Variants in RSBN1L observed in about 807,000 individuals in gnomAD.
The protein encoded by RSBN1L is lysine-specific demethylase RSBN1L.
RSBN1L carries 30 observed loss-of-function variants against 67.7 expected under a neutral mutation model. The observed-to-expected ratio is 0.44, with a 90% CI of 0.33 to 0.60. The LOEUF (loss-of-function observed/expected upper bound fraction) is 0.60. RSBN1L is among the 20% of genes least tolerant of loss of function. RSBN1L has a pLI of 0.02. For missense variants in RSBN1L, 992 were observed against 1,031.7 expected (o/e 0.96, Z 0.53); for synonymous variants, 433 against 387.0 (o/e 1.12, Z -1.39).
chr7:77,721,430 A>G (rs1335439331), intron 1 of RSBN1L, among the ~76,000 whole-genome samples: 2 of 152,186 alleles, frequency 1.3e-5, no homozygotes, highest in African/African-American at 4.8e-5. Flanking sequence ...GGAGCTTAGA[A>G]ACCAGGAGGG....
At chr7:77,698,850 CAG>C (rs1790775463) in intron 1 of RSBN1L, among the ~76,000 whole-genome samples, 1 of 151,818 alleles carries the variant, frequency 6.6e-6, no homozygotes. Flanking sequence ...GAAAAACTAT[CAG>C]AGAAAAAGAT....
chr7:77,733,968 A>G (rs1791300894), intron 1 of RSBN1L, among the ~76,000 whole-genome samples: 1 of 152,180 alleles, frequency 6.6e-6, no homozygotes, highest in East Asian at 1.9e-4. Flanking sequence ...CTCCACTAAA[A>G]ATACAAAAAT....
intron 3 of RSBN1L, among the ~76,000 whole-genome samples, chr7:77,752,166 A>G (rs1477007800): frequency 6.6e-6 from 1 of 151,948 alleles, no homozygotes. Flanking sequence ...TTGATGAGCC[A>G]CCTCCTCTGG....
Position 77,773,204 on chromosome 7 carries a change from G to A in RSBN1L, c.1683G>A (p.Glu561=). 1.2e-6 allele frequency: 2 copies of A among 1,612,956 alleles called. No individual in the cohort carries two copies. The highest frequency in any genetic ancestry group is 4.5e-5 in the East Asian group (2 of 44,880). ...TACCTCGAACAAGTGAGCCCCGTGA[G>A]ATGCTCTTTGAAGACAGGACAAGAG... is the stretch of plus-strand genomic sequence containing the variant. ...QYLPRTSEPR[E]MLFEDRTRAH... is the part of the protein sequence containing the mutation. The change falls in exon 6 of 8, where the codon GAG becomes GAA. Residue 561 remains glutamate, a synonymous_variant. Transcript: ENST00000334955.
intron 1 of RSBN1L, among the ~76,000 whole-genome samples, chr7:77,727,042 A>C (rs1207479564): frequency 1.3e-5 from 2 of 150,462 alleles, no homozygotes; most frequent in Non-Finnish European, 3.0e-5. Context: ...TGGCCTCCCA[A>C]AGTGCTGGGA....
intron 3 of RSBN1L, among the ~76,000 whole-genome samples, chr7:77,750,952 A>G (rs1791549272): frequency 1.3e-5 from 2 of 152,156 alleles, no homozygotes; most frequent in South Asian, 4.1e-4. Context: ...TCAGGATTAG[A>G]ACAAAATCTT....
At chr7:77,702,569 A>G (rs1306627560) in intron 1 of RSBN1L, among the ~76,000 whole-genome samples, 2 of 152,160 alleles carry the variant, frequency 1.3e-5, no homozygotes, top group Non-Finnish European at 2.9e-5. Flanking sequence ...GGTGGTGGGC[A>G]AGAAGGCTTT....
intron 5 of RSBN1L, 84 bp downstream of exon 5, chr7:77,768,887 G>A: frequency 1.6e-5 from 18 of 1,158,602 alleles, no homozygotes; most frequent in South Asian, 9.3e-5. Flanking sequence ...GGAGGAAGGA[G>A]GAATGCAAAG....
At chr7:77,703,983 C>T (rs915893246) in intron 1 of RSBN1L, among the ~76,000 whole-genome samples, 2 of 152,078 alleles carry the variant, frequency 1.3e-5, no homozygotes, top group African/African-American at 2.4e-5. Flanking sequence ...GATATACATC[C>T]GTTATAAAGG....
chr7:77,772,246 T>G (rs1352488794), intron 5 of RSBN1L, among the ~76,000 whole-genome samples: 1 of 152,014 alleles, frequency 6.6e-6, no homozygotes, highest in Non-Finnish European at 1.5e-5. Flanking sequence ...TAATAGAGAT[T>G]AAGGGTGGGA....
intron 5 of RSBN1L, among the ~76,000 whole-genome samples, chr7:77,769,771 T>C (rs1327417887): frequency 1.3e-5 from 2 of 152,204 alleles, no homozygotes; most frequent in Non-Finnish European, 2.9e-5. Flanking sequence ...CTATGAGATA[T>C]TTTTATTCAT....
At chr7:77,710,770 A>C (rs1221694306) in intron 1 of RSBN1L, among the ~76,000 whole-genome samples, 1 of 151,660 alleles carries the variant, frequency 6.6e-6, no homozygotes, top group African/African-American at 2.4e-5. Flanking sequence ...TAATTTTTGT[A>C]TTTTTAGTAG....
chr7:77,713,730 T>TG (rs1207406450), intron 1 of RSBN1L, among the ~76,000 whole-genome samples: 8 of 152,040 alleles, frequency 5.3e-5, no homozygotes, highest in African/African-American at 1.9e-4. Context: ...CTCAAATTCC[T>TG]GGCCTCAAGC....
intron 1 of RSBN1L, among the ~76,000 whole-genome samples, chr7:77,734,768 C>T (rs950543896): frequency 5.3e-5 from 8 of 152,102 alleles, no homozygotes; most frequent in East Asian, 1.9e-4. Context: ...GGATTATAGA[C>T]GTGAGCCACC....
chr7:77,719,088 A>G (rs1183447087), intron 1 of RSBN1L, among the ~76,000 whole-genome samples: 1 of 152,172 alleles, frequency 6.6e-6, no homozygotes, highest in East Asian at 1.9e-4. Flanking sequence ...ATAGGTGGAA[A>G]CAGCAAGTCT....
intron 2 of RSBN1L, among the ~76,000 whole-genome samples, chr7:77,737,762 C>CCTGT (rs1204505792): frequency 6.6e-6 from 1 of 152,122 alleles, no homozygotes; most frequent in Non-Finnish European, 1.5e-5. Flanking sequence ...GTCGCTCATG[C>CCTGT]CTGTAATCCC....
intron 1 of RSBN1L, among the ~76,000 whole-genome samples, chr7:77,713,751 C>A (rs1204204221): frequency 6.6e-6 from 1 of 151,976 alleles, no homozygotes; most frequent in Non-Finnish European, 1.5e-5. Context: ...AGTCCTCATG[C>A]CTTGGCCTCC....
chr7:77,711,648 T>A (rs1001948312), intron 1 of RSBN1L, among the ~76,000 whole-genome samples: 4 of 152,234 alleles, frequency 2.6e-5, no homozygotes, highest in African/African-American at 9.6e-5. Context: ...CAGCCTGTAT[T>A]GTTAAAGCTG....
intron 1 of RSBN1L, among the ~76,000 whole-genome samples, chr7:77,721,093 G>A (rs957454623): frequency 3.3e-5 from 5 of 152,006 alleles, no homozygotes; most frequent in Non-Finnish European, 7.4e-5. Context: ...CCCGCTTTGT[G>A]CTTGGGTGGT....
Sources: allele counts gnomAD v4.1 joint callset (sites outside exome capture counted in the v4.1 genomes callset), GRCh38; gene constraint gnomAD v4.1.1; transcripts MANE v1.5; gene names NCBI Gene and HGNC (gene_info 2026-07-23, HGNC 2026-07-21).